The following LMX1B variants were observed in gnomAD, a reference collection of about 807,000 sequenced individuals.
LMX1B encodes LIM homeobox transcription factor 1 beta, also known as LIM homeobox transcription factor 1-beta.
LMX1B carries 12 observed loss-of-function variants against 51.4 expected under a neutral mutation model. The ratio of observed to expected loss-of-function variants is 0.23; its 90% CI spans 0.15 to 0.38. LMX1B has a LOEUF of 0.38. Among genes scored for constraint, LMX1B ranks in the 10% least tolerant of loss-of-function variants. The probability of loss-of-function intolerance (pLI) is 1.00; values close to 1 mark genes in which losing one functional copy is unlikely to be tolerated. For synonymous variants in LMX1B, 237 were observed against 235.4 expected, an observed-to-expected ratio of 1.01 and a Z score of -0.06; for missense variants, 445 against 571.1, an observed-to-expected ratio of 0.78 and a Z score of 2.25.
At chr9:126,648,634 T>G (rs1453548674) in intron 2 of LMX1B, among the ~76,000 whole-genome samples, 2 of 152,144 alleles carry the variant, frequency 1.3e-5, no homozygotes, top group African/African-American at 2.4e-5. Flanking sequence ...AGATTGGGCA[T>G]GTTGGTGGCA....
At chr9:126,686,910 G>T (rs929234260) in intron 2 of LMX1B, among the ~76,000 whole-genome samples, 8 of 152,222 alleles carry the variant, frequency 5.3e-5, no homozygotes, top group Admixed American at 2.6e-4. Flanking sequence ...AATGTTCTGA[G>T]ACTGATAACG....
chr9:126,639,553 C>T (rs1262263272), intron 2 of LMX1B, among the ~76,000 whole-genome samples: 2 of 152,224 alleles, frequency 1.3e-5, no homozygotes, highest in Non-Finnish European at 2.9e-5. Flanking sequence ...GGGCCACCTA[C>T]TCTGGGGTGA....
rs2030290667 is a variant in LMX1B, at chr9:126,695,423, G to A, written c.887-416G>A. On this transcript the variant is annotated intron_variant, in intron 6 of 7. Coordinates refer to ENST00000373474, the MANE Select transcript of LMX1B (RefSeq NM_001174147.2). The surrounding 1 kb of genome is among the most constrained non-coding windows in gnomAD (Gnocchi z 5.2). ...CCCCTCAGCCTGGCTTGCCTCCCCT[G>A]CTCTGGCCTGTTGAGCCCCTGCTAG... Among the ~76,000 whole-genome samples, 1 of 152,194 alleles carries A rather than the reference G, an allele frequency of 6.6e-6. No individual in the cohort carries two copies. Among genetic ancestry groups the A allele is most frequent in the African/African-American group, 2.4e-5 (1 of 41,438 alleles).
At chr9:126,624,663 CTTGT>C (rs1835485249) in intron 2 of LMX1B, among the ~76,000 whole-genome samples, 1 of 148,970 alleles carries the variant, frequency 6.7e-6, no homozygotes, top group African/African-American at 2.5e-5. Flanking sequence ...TTTTTTTTAT[CTTGT>C]TTTTTTTTTT....
At position 126,641,727 on chromosome 9, in the gene LMX1B, C is replaced by T. The variant is rs1001096030; in HGVS notation, c.326+26158C>T. On this transcript the variant is annotated intron_variant, in intron 2 of 7. Coordinates refer to ENST00000373474, the MANE Select transcript of LMX1B (RefSeq NM_001174147.2). This position sits in a 1 kb window ranked among gnomAD's most constrained non-coding sequence, Gnocchi z 4.1. ...TCAAGGGGACTCTCTTCTCCCTCCT[C>T]CTGGGGGATTCCAGTCTCACCATCT... Among the ~76,000 whole-genome samples, 6 of 152,190 alleles carry T rather than the reference C, an allele frequency of 3.9e-5. No individual in the cohort carries two copies. The highest frequency in any genetic ancestry group is 1.4e-4 in the African/African-American group (6 of 41,430).
intron 2 of LMX1B, among the ~76,000 whole-genome samples, chr9:126,646,113 G>A (rs1014415375): frequency 1.3e-5 from 2 of 152,196 alleles, no homozygotes; most frequent in African/African-American, 4.8e-5. Flanking sequence ...TCTTGGCAGT[G>A]TGATTAGGGG....
chr9:126,621,621 G>A (rs10760442), intron 2 of LMX1B, among the ~76,000 whole-genome samples: 41,088 of 146,692 alleles, frequency 0.28, 6,680 homozygotes, highest in Middle Eastern at 0.42. Flanking sequence ...TTGGTTCCCC[G>A]GTGGCCTATA....
intron 2 of LMX1B, among the ~76,000 whole-genome samples, chr9:126,657,534 G>T (rs376813254): frequency 2.1e-4 from 32 of 150,078 alleles, no homozygotes; most frequent in African/African-American, 4.8e-4. Context: ...ACTGGGGTTG[G>T]GGGGAGAAGA....
intron 2 of LMX1B, among the ~76,000 whole-genome samples, chr9:126,675,086 G>C (rs1439500491): frequency 6.6e-6 from 1 of 152,150 alleles, no homozygotes; most frequent in Non-Finnish European, 1.5e-5. Context: ...CATGGGGTGG[G>C]GGTGGCGGTT....
chr9:126,670,771 A>T (rs1227271864), intron 2 of LMX1B, among the ~76,000 whole-genome samples: 1 of 152,234 alleles, frequency 6.6e-6, no homozygotes, highest in Non-Finnish European at 1.5e-5. Context: ...GCGAAACCAC[A>T]GACAGCAGGT....
In LMX1B at chr9:126,699,936, A is replaced by G. The variant is rs2119006725; in HGVS notation, c.*3485A>G. ...AGGGGGCTGGAGTGGGAAGAGGGAG[A>G]TAACTGTGTGGTCTCCAGAGCAAAA... On this transcript the variant is annotated 3_prime_UTR_variant, in exon 8 of 8. Coordinates refer to ENST00000373474, the MANE Select transcript of LMX1B (RefSeq NM_001174147.2). 6.6e-6 allele frequency: 1 copy of G among 152,406 alleles called. No homozygotes were observed. Among genetic ancestry groups the G allele is most frequent in the Non-Finnish European group, 1.5e-5 (1 of 68,086 alleles). 9.4% of individuals were successfully genotyped at this position (152,406 alleles called of 1,614,324 possible). A position where few individuals can be genotyped will look rare whatever the true frequency, so the allele number is the denominator to read the frequency against.
chr9:126,620,528 C>T (rs1361187704), intron 2 of LMX1B, among the ~76,000 whole-genome samples: 2 of 152,174 alleles, frequency 1.3e-5, no homozygotes, highest in Non-Finnish European at 2.9e-5. Flanking sequence ...TGTGTGGGTG[C>T]GCACAGGTGC....
intron 2 of LMX1B, among the ~76,000 whole-genome samples, chr9:126,669,356 A>G (rs114375853): frequency 0.01 from 1,571 of 152,246 alleles, 31 homozygotes; most frequent in African/African-American, 0.036. Context: ...CTCGCCACTA[A>G]CCAGTCTCAG....
At position 126,645,093 on chromosome 9, in the gene LMX1B, C is replaced by T. The variant is rs114624545; in HGVS notation, c.326+29524C>T. 1.3e-3 allele frequency among the ~76,000 whole-genome samples: 194 copies of T among 152,324 alleles called. 2 individuals are homozygous for T. Among genetic ancestry groups the T allele is most frequent in the Middle Eastern group, 6.8e-3 (2 of 294 alleles). ...TGTTGTTCCAGCTCGCTTTGAATCG[C>T]GTTCATCTGGCTGGGTTCCCCCCCT... On this transcript the variant is annotated intron_variant, in intron 2 of 7. Coordinates refer to ENST00000373474, the MANE Select transcript of LMX1B (RefSeq NM_001174147.2).
At chr9:126,661,460 G>A (rs1282094359) in intron 2 of LMX1B, among the ~76,000 whole-genome samples, 3 of 152,206 alleles carry the variant, frequency 2.0e-5, no homozygotes, top group African/African-American at 7.2e-5. Context: ...ACTGTAGGGG[G>A]CACAGAGGCT....
chr9:126,647,661 T>C (rs1835927475), intron 2 of LMX1B, among the ~76,000 whole-genome samples: 3 of 152,224 alleles, frequency 2.0e-5, no homozygotes, highest in African/African-American at 7.2e-5. Flanking sequence ...CAGCAGTTCC[T>C]TCCAGGAAGC....
In LMX1B at chr9:126,625,136, C is replaced by T. The variant is rs1037649606; in HGVS notation, c.326+9567C>T. On this transcript the variant is annotated intron_variant, in intron 2 of 7. Coordinates refer to ENST00000373474, the MANE Select transcript of LMX1B (RefSeq NM_001174147.2). The surrounding 1 kb of genome is among the most constrained non-coding windows in gnomAD (Gnocchi z 5.3). ...TTCATGTCAAGCACAGAAAAGAAGCCGAGCACCTTACAACCGTGTCCCCTC... is the reference window on the plus strand; with the variant it reads ...TTCATGTCAAGCACAGAAAAGAAGCTGAGCACCTTACAACCGTGTCCCCTC... Among the ~76,000 whole-genome samples the T allele has an allele frequency of 2.6e-5, 4 of 152,324 alleles. No homozygotes were observed. Among genetic ancestry groups the T allele is most frequent in the Admixed American group, 2.6e-4 (4 of 15,310 alleles).
At chr9:126,631,987 G>T (rs563357066) in intron 2 of LMX1B, among the ~76,000 whole-genome samples, 1 of 152,130 alleles carries the variant, frequency 6.6e-6, no homozygotes, top group African/African-American at 2.4e-5. Context: ...AAAAGGGAAC[G>T]GTAGGTGCGC....
intron 2 of LMX1B, among the ~76,000 whole-genome samples, chr9:126,672,870 T>A (rs1836485211): frequency 6.6e-6 from 1 of 152,182 alleles, no homozygotes; most frequent in African/African-American, 2.4e-5. Flanking sequence ...GCGTTGGCTT[T>A]TATCGCTTGC....
Sources: allele counts gnomAD v4.1 joint callset (sites outside exome capture counted in the v4.1 genomes callset), GRCh38; gene constraint gnomAD v4.1.1; non-coding constraint Gnocchi (gnomAD v3.1); transcripts MANE v1.5; gene names NCBI Gene and HGNC (gene_info 2026-07-23, HGNC 2026-07-21).